OR5C1: variants seen among roughly 807,000 people sequenced by gnomAD.
OR5C1 encodes the protein olfactory receptor family 5 subfamily C member 1, also known as olfactory receptor 5C1.
For synonymous variants in OR5C1, 184 were observed against 181.5 expected (o/e 1.01, Z -0.11); for missense variants, 433 against 426.5 (o/e 1.02, Z -0.13).
In OR5C1 at chr9:122,789,385, A is replaced by G. The variant is rs1159143514; in HGVS notation, c.453A>G (p.Ala151=). The G allele has an allele frequency of 1.1e-5, 17 of 1,613,124 alleles. No individual in the cohort carries two copies. Among genetic ancestry groups the G allele is most frequent in the East Asian group, 4.5e-5 (2 of 44,878 alleles). Residue 151 remains alanine (A), a synonymous_variant, in exon 1 of 1, where the codon GCA becomes GCG. Coordinates refer to ENST00000373680, the MANE Select transcript of OR5C1 (RefSeq NM_001001923.1). ...GTCTATGCCTGGCCTTGCTGGGAGC[A>G]TCAGGCCTGGGTGGGGCAGTGAGTG... The part of the protein sequence containing the change: ...SQRLCLALLG[A]SGLGGAVSAF...
In OR5C1 at chr9:122,789,307, C is replaced by A; in HGVS notation, c.375C>A (p.Asp125Glu). 2 of 1,614,050 alleles carry A rather than the reference C, an allele frequency of 1.2e-6. No homozygotes were observed. Among genetic ancestry groups the A allele is most frequent in the Non-Finnish European group, 1.7e-6 (2 of 1,179,912 alleles). Residue 125 changes from aspartate (D) to glutamate (E), a missense_variant, in exon 1 of 1, where the codon GAC becomes GAA. Physicochemically the swap from Asp to Glu is conservative, Grantham distance 45. Transcript: ENST00000373680. The part of the protein sequence containing the change: ...ECCLLAAMAY[D>E]RYVAIRNPLL... Reference sequence around the variant, plus strand: ...GCTTGCTGGCAGCCATGGCCTATGACCGCTACGTGGCCATCAGAAACCCAC... The same window carrying A: ...GCTTGCTGGCAGCCATGGCCTATGAACGCTACGTGGCCATCAGAAACCCAC...
At position 122,789,752 on chromosome 9, in the gene OR5C1, A is replaced by C. The variant is rs1030283653; in HGVS notation, c.820A>C (p.Thr274Pro). Residue 274 changes from threonine to proline, a missense_variant, in exon 1 of 1, where the codon ACT (threonine) becomes CCT (proline). Coordinates refer to ENST00000373680, the MANE Select transcript of OR5C1 (RefSeq NM_001001923.1). ...LRPSSSYALDTDKMASVFYTL... is the reference protein window; with the variant it reads ...LRPSSSYALDPDKMASVFYTL... ...CCCCAGCTCCAGCTATGCCCTGGAC[A>C]CTGACAAGATGGCCTCTGTGTTCTA... 15 of 1,611,982 alleles carry C rather than the reference A, an allele frequency of 9.3e-6. No individual in the cohort carries two copies. Among genetic ancestry groups the C allele is most frequent in the African/African-American group, 2.7e-5 (2 of 74,912 alleles).
rs758915069 is a variant in OR5C1 at position 122,789,634 on chromosome 9, G to A, written c.702G>A (p.Ser234=). ...FIAGAVIHMR[S]VEGSRRAAST... is the part of the protein sequence containing the mutation. ...CTGGGGCTGTGATCCACATGCGCTCGGTCGAGGGCAGTCGGCGAGCAGCCT... is the reference window on the plus strand; with the variant it reads ...CTGGGGCTGTGATCCACATGCGCTCAGTCGAGGGCAGTCGGCGAGCAGCCT... Residue 234 remains serine, a synonymous_variant, in exon 1 of 1, where the codon TCG becomes TCA. Coordinates refer to ENST00000373680, the MANE Select transcript of OR5C1 (RefSeq NM_001001923.1). 9.5e-5 allele frequency: 153 copies of A among 1,612,334 alleles called. 1 individual carries two copies. The highest frequency in any genetic ancestry group is 3.3e-4 in the Middle Eastern group (2 of 6,078).
rs373619805 is a variant in OR5C1 at position 122,789,314 on chromosome 9, G to A, written c.382G>A (p.Val128Met). Residue 128 changes from valine (V) to methionine (M), a missense_variant, in exon 1 of 1, where the codon GTG becomes ATG. Physicochemically the swap from Val to Met is conservative, Grantham distance 21 (BLOSUM62 1). Transcript: ENST00000373680. The part of the protein sequence containing the change: ...LLAAMAYDRY[V>M]AIRNPLLYTT... ...GGCAGCCATGGCCTATGACCGCTAC[G>A]TGGCCATCAGAAACCCACTTCTCTA... 1.7e-5 allele frequency: 28 copies of A among 1,613,978 alleles called. No individual in the cohort carries two copies. Among genetic ancestry groups the A allele is most frequent in the African/African-American group, 9.3e-5 (7 of 74,942 alleles).
chr9:122,789,020 G>GT lies in OR5C1; in HGVS notation c.88_89insT (p.Ala30ValfsTer84). On this transcript the variant is annotated frameshift_variant, in exon 1 of 1. Transcript: ENST00000373680. LOFTEE classifies it low-confidence loss of function (END_TRUNC). ...CACAAATCGCTGGGACCTGCGTGTGGCCCTCTTCCTGACCTGCCTGCCTGT... is the reference window on the plus strand; with the variant it reads ...CACAAATCGCTGGGACCTGCGTGTGGTCCCTCTTCCTGACCTGCCTGCCTGT... 1 of 1,613,754 alleles carries GT rather than the reference G, an allele frequency of 6.2e-7. No homozygotes were observed. Among genetic ancestry groups the GT allele is most frequent in the South Asian group, 1.1e-5 (1 of 91,020 alleles).
At position 122,788,981 on chromosome 9, in the gene OR5C1, G is replaced by C. The variant is rs375037936; in HGVS notation, c.49G>C (p.Val17Leu). The change falls in exon 1 of 1, where the codon GTC (valine) becomes CTC (leucine). Residue 17 changes from valine to leucine, a missense_variant. Transcript: ENST00000373680. Reference protein sequence around the residue: ...TRAAVAPAEFVLLGITNRWDL... With the variant: ...TRAAVAPAEFLLLGITNRWDL... ...GGCCGCGGTTGCCCCTGCTGAATTC[G>C]TCCTCCTGGGCATCACAAATCGCTG... is the stretch of plus-strand genomic sequence containing the variant. 1.9e-6 allele frequency: 3 copies of C among 1,605,210 alleles called. No individual in the cohort carries two copies. The highest frequency in any genetic ancestry group is 1.1e-5 in the South Asian group (1 of 89,224).
Position 122,789,782 on chromosome 9 carries a change from C to G in OR5C1, c.850C>G (p.Leu284Val). The G allele has an allele frequency of 6.2e-7, 1 of 1,612,432 alleles. No homozygotes were observed. The highest frequency in any genetic ancestry group is 8.5e-7 in the Non-Finnish European group (1 of 1,179,084). ...TDKMASVFYT[L>V]VIPSLNPLIY... ...CAAGATGGCCTCTGTGTTCTATACCCTGGTCATCCCGTCTCTCAACCCACT... is the reference window on the plus strand; with the variant it reads ...CAAGATGGCCTCTGTGTTCTATACCGTGGTCATCCCGTCTCTCAACCCACT... Residue 284 changes from leucine to valine, a missense_variant, in exon 1 of 1, where the codon CTG becomes GTG. Transcript: ENST00000373680.
rs1456761069 is a variant in OR5C1 at position 122,789,614 on chromosome 9, G to T, written c.682G>T (p.Ala228Ser). 1.2e-6 allele frequency: 2 copies of T among 1,613,824 alleles called. No individual in the cohort carries two copies. The highest frequency in any genetic ancestry group is 3.3e-5 in the Admixed American group (2 of 60,012). Residue 228 changes from alanine (A) to serine (S), a missense_variant, in exon 1 of 1, where the codon GCT (alanine) becomes TCT (serine). By Grantham distance (99) the Ala-to-Ser change is moderately conservative. Coordinates refer to ENST00000373680, the MANE Select transcript of OR5C1 (RefSeq NM_001001923.1). ...GGTGTCTTATGGCTTCATCGCTGGG[G>T]CTGTGATCCACATGCGCTCGGTCGA... ...ITVSYGFIAG[A>S]VIHMRSVEGS...
chr9:122,789,775 C>T lies in OR5C1; in HGVS notation c.843C>T (p.Phe281=). ...ALDTDKMASV[F]YTLVIPSLNP... is the part of the protein sequence containing the mutation. ...ACACTGACAAGATGGCCTCTGTGTT[C>T]TATACCCTGGTCATCCCGTCTCTCA... The change falls in exon 1 of 1, where the codon TTC becomes TTT. Residue 281 remains phenylalanine (F), a synonymous_variant. Coordinates refer to ENST00000373680, the MANE Select transcript of OR5C1 (RefSeq NM_001001923.1). 2 of 1,612,644 alleles carry T rather than the reference C, an allele frequency of 1.2e-6. No homozygotes were observed. The highest frequency in any genetic ancestry group is 1.7e-4 in the Middle Eastern group (1 of 6,054).
Position 122,789,431 on chromosome 9 carries a change from A to T in OR5C1, c.499A>T (p.Thr167Ser). The T allele has an allele frequency of 6.2e-7, 1 of 1,613,258 alleles. No homozygotes were observed. Among genetic ancestry groups the T allele is most frequent in the Non-Finnish European group, 8.5e-7 (1 of 1,179,556 alleles). The change falls in exon 1 of 1, where the codon ACC becomes TCC. Residue 167 changes from threonine (T) to serine (S), a missense_variant. By Grantham distance (58) the Thr-to-Ser change is moderately conservative. Coordinates refer to ENST00000373680, the MANE Select transcript of OR5C1 (RefSeq NM_001001923.1). ...GAGTGCCTTTGTTCACACAACCCTCACCTTCCGCCTGAGCTTCTGCCGCTC... is the reference window on the plus strand; with the variant it reads ...GAGTGCCTTTGTTCACACAACCCTCTCCTTCCGCCTGAGCTTCTGCCGCTC... ...AVSAFVHTTL[T>S]FRLSFCRSRK...
Position 122,789,040 on chromosome 9 carries a change from G to GCCTGTCTA in OR5C1, c.113_120dup (p.Val41SerfsTer4). 1 of 1,614,034 alleles carries GCCTGTCTA rather than the reference G, an allele frequency of 6.2e-7. No homozygotes were observed. Among genetic ancestry groups the GCCTGTCTA allele is most frequent in the Non-Finnish European group, 8.5e-7 (1 of 1,179,962 alleles). On this transcript the variant is annotated frameshift_variant, in exon 1 of 1. Coordinates refer to ENST00000373680, the MANE Select transcript of OR5C1 (RefSeq NM_001001923.1). LOFTEE classifies it low-confidence loss of function (END_TRUNC). ...GTGTGGCCCTCTTCCTGACCTGCCT[G>GCCTGTCTA]CCTGTCTACCTGGTGAGCCTGCTGG...
Position 122,789,837 on chromosome 9 carries a change from A to G in OR5C1, c.905A>G (p.Lys302Arg). 6.3e-7 allele frequency: 1 copy of G among 1,588,830 alleles called. No homozygotes were observed. The highest frequency in any genetic ancestry group is 1.2e-5 in the South Asian group (1 of 85,514). Residue 302 changes from lysine to arginine, a missense_variant, in exon 1 of 1, where the codon AAG becomes AGG. Lys to Arg is a conservative substitution (Grantham distance 26). Transcript: ENST00000373680. ...TACAGCCTCCGCAATAAGGAGGTCA[A>G]GGAGGCCCTCAGGCAGACCTGGAGC... ...LIYSLRNKEV[K>R]EALRQTWSRF...
rs1395953319 is a variant in OR5C1, at chr9:122,789,616, T to C, written c.684T>C (p.Ala228=). The C allele has an allele frequency of 1.2e-6, 2 of 1,613,692 alleles. No individual in the cohort carries two copies. Among genetic ancestry groups the C allele is most frequent in the African/African-American group, 2.7e-5 (2 of 74,938 alleles). Reference sequence around the variant, plus strand: ...TGTCTTATGGCTTCATCGCTGGGGCTGTGATCCACATGCGCTCGGTCGAGG... The same window carrying C: ...TGTCTTATGGCTTCATCGCTGGGGCCGTGATCCACATGCGCTCGGTCGAGG... ...ITVSYGFIAG[A]VIHMRSVEGS... is the part of the protein sequence containing the mutation. The change falls in exon 1 of 1, where the codon GCT becomes GCC. Residue 228 remains alanine, a synonymous_variant. Transcript: ENST00000373680.
At position 122,789,304 on chromosome 9, in the gene OR5C1, T is replaced by A; in HGVS notation, c.372T>A (p.Tyr124Ter). ...GTTGCTTGCTGGCAGCCATGGCCTA[T>A]GACCGCTACGTGGCCATCAGAAACC... ...TECCLLAAMA[Y>*]DRYVAIRNPL... is the part of the protein sequence containing the mutation. The change falls in exon 1 of 1, where the codon TAT (tyrosine) becomes TAA (stop). Residue 124 changes from tyrosine (Y) to a stop codon, truncating the protein, a stop_gained. Coordinates refer to ENST00000373680, the MANE Select transcript of OR5C1 (RefSeq NM_001001923.1). LOFTEE classifies it low-confidence loss of function (END_TRUNC). The A allele has an allele frequency of 6.2e-7, 1 of 1,614,140 alleles. No individual in the cohort carries two copies. The highest frequency in any genetic ancestry group is 8.5e-7 in the Non-Finnish European group (1 of 1,179,966).
rs1452629287 is a variant in OR5C1, at chr9:122,789,040, G to A, written c.108G>A (p.Leu36=). 6.2e-7 allele frequency: 1 copy of A among 1,614,034 alleles called. No homozygotes were observed. Among genetic ancestry groups the A allele is most frequent in the African/African-American group, 1.3e-5 (1 of 75,046 alleles). The change falls in exon 1 of 1, where the codon CTG becomes CTA. Residue 36 remains leucine (L), a synonymous_variant. Coordinates refer to ENST00000373680, the MANE Select transcript of OR5C1 (RefSeq NM_001001923.1). ...DLRVALFLTC[L]PVYLVSLLGN... Reference sequence around the variant, plus strand: ...GTGTGGCCCTCTTCCTGACCTGCCTGCCTGTCTACCTGGTGAGCCTGCTGG... The same window carrying A: ...GTGTGGCCCTCTTCCTGACCTGCCTACCTGTCTACCTGGTGAGCCTGCTGG...
At position 122,789,339 on chromosome 9, in the gene OR5C1, A is replaced by G. The variant is rs367867809; in HGVS notation, c.407A>G (p.Tyr136Cys). Residue 136 changes from tyrosine to cysteine, a missense_variant, in exon 1 of 1, where the codon TAT becomes TGT. Physicochemically the swap from Tyr to Cys is radical, Grantham distance 194. Transcript: ENST00000373680. Reference protein sequence around the residue: ...RYVAIRNPLLYTTAMSQRLCL... With the variant: ...RYVAIRNPLLCTTAMSQRLCL... ...GTGGCCATCAGAAACCCACTTCTCT[A>G]TACAACAGCTATGTCGCAGCGTCTA... is the stretch of plus-strand genomic sequence containing the variant. 5.0e-6 allele frequency: 8 copies of G among 1,614,102 alleles called. No individual in the cohort carries two copies. The highest frequency in any genetic ancestry group is 6.8e-6 in the Non-Finnish European group (8 of 1,179,948).
In OR5C1 at chr9:122,789,021, C is replaced by CTA; in HGVS notation, c.89_90insTA (p.Leu31ThrfsTer4). 6.2e-7 allele frequency: 1 copy of CTA among 1,613,806 alleles called. No homozygotes were observed. The highest frequency in any genetic ancestry group is 1.1e-5 in the South Asian group (1 of 91,018). ...ACAAATCGCTGGGACCTGCGTGTGGCCCTCTTCCTGACCTGCCTGCCTGTC... is the reference window on the plus strand; with the variant it reads ...ACAAATCGCTGGGACCTGCGTGTGGCTACCTCTTCCTGACCTGCCTGCCTGTC... On this transcript the variant is annotated frameshift_variant, in exon 1 of 1. Coordinates refer to ENST00000373680, the MANE Select transcript of OR5C1 (RefSeq NM_001001923.1). LOFTEE classifies it low-confidence loss of function (END_TRUNC).
chr9:122,789,084 T>G lies in OR5C1; in HGVS notation c.152T>G (p.Leu51Arg). The change falls in exon 1 of 1, where the codon CTG becomes CGG. Residue 51 changes from leucine (L) to arginine (R), a missense_variant. Transcript: ENST00000373680. ...CTGCTGGGAAACATGGGCATGGCGCTGCTGATCCGCATGGATGCCCGGCTC... is the reference window on the plus strand; with the variant it reads ...CTGCTGGGAAACATGGGCATGGCGCGGCTGATCCGCATGGATGCCCGGCTC... ...VSLLGNMGMA[L>R]LIRMDARLHT... The G allele has an allele frequency of 6.2e-7, 1 of 1,614,064 alleles. No homozygotes were observed. Among genetic ancestry groups the G allele is most frequent in the Non-Finnish European group, 8.5e-7 (1 of 1,179,960 alleles).
In OR5C1 at chr9:122,789,608, G is replaced by T. The variant is rs199506202; in HGVS notation, c.676G>T (p.Ala226Ser). 1.0e-4 allele frequency: 162 copies of T among 1,613,658 alleles called. No individual in the cohort carries two copies. The highest frequency in any genetic ancestry group is 5.2e-4 in the Admixed American group (31 of 60,004). ...LAITVSYGFI[A>S]GAVIHMRSVE... ...TATCACGGTGTCTTATGGCTTCATC[G>T]CTGGGGCTGTGATCCACATGCGCTC... is the stretch of plus-strand genomic sequence containing the variant. Residue 226 changes from alanine to serine, a missense_variant, in exon 1 of 1, where the codon GCT becomes TCT. Coordinates refer to ENST00000373680, the MANE Select transcript of OR5C1 (RefSeq NM_001001923.1).
Sources: gnomAD v4.1 joint callset for allele counts on GRCh38, gnomAD v4.1.1 for gene constraint, MANE v1.5 for transcripts, NCBI Gene and HGNC (gene_info 2026-07-23, HGNC 2026-07-21) for gene names.